ZDHHC2: variants seen among roughly 807,000 people sequenced by gnomAD.
ZDHHC2 encodes the protein zDHHC palmitoyltransferase 2.
Under a neutral mutation model 55.6 loss-of-function variants are expected in ZDHHC2, and 51 were observed. The ratio of observed to expected loss-of-function variants is 0.92; its 90% CI spans 0.73 to 1.16. The LOEUF (loss-of-function observed/expected upper bound fraction) is 1.16. Ranked by LOEUF, ZDHHC2 falls within the 50% of genes most tolerant of loss-of-function variation. The pLI is 0.00. For missense variants in ZDHHC2, 491 were observed against 442.4 expected, an observed-to-expected ratio of 1.11 and a Z score of -0.99; for synonymous variants, 199 against 152.9, an observed-to-expected ratio of 1.30 and a Z score of -2.22.
At chr8:17,207,726 A>G (rs1459942498) in intron 7 of ZDHHC2, among the ~76,000 whole-genome samples, 1 of 151,838 alleles carries the variant, frequency 6.6e-6, no homozygotes. Flanking sequence ...TGAAAAACAC[A>G]GTTTATATTC....
chr8:17,156,957 G>A (rs1804088745), intron 1 of ZDHHC2, 104 bp downstream of exon 1: 1 of 1,160,584 alleles, frequency 8.6e-7, no homozygotes, highest in Non-Finnish European at 1.1e-6. Context: ...GATGCGCCCC[G>A]GGCGCTGCCA....
chr8:17,186,495 G>T (rs1225996280), intron 3 of ZDHHC2, 70 bp downstream of exon 3: 11 of 923,038 alleles, frequency 1.2e-5, no homozygotes, highest in African/African-American at 7.1e-5. Context: ...ATTGAAGAAC[G>T]AATTTTATTT....
At position 17,156,862 on chromosome 8, in the gene ZDHHC2, G is replaced by A; in HGVS notation, c.130+9G>A. On this transcript the variant is annotated intron_variant, in intron 1 of 12. Coordinates refer to ENST00000262096, the MANE Select transcript of ZDHHC2 (RefSeq NM_016353.5). ...CATCCAGCTGTGCATAGGTGAGTGCGCCCCCCGCCGCGGCGCCCCCAGCGC... is the reference window on the plus strand; with the variant it reads ...CATCCAGCTGTGCATAGGTGAGTGCACCCCCCGCCGCGGCGCCCCCAGCGC... 3.4e-6 allele frequency: 5 copies of A among 1,488,734 alleles called. No individual in the cohort carries two copies. Among genetic ancestry groups the A allele is most frequent in the Admixed American group, 2.3e-5 (1 of 44,068 alleles). The allele number at this position is 1,488,734 out of a possible 1,614,324, so 92.2% of individuals were successfully genotyped here.
At chr8:17,184,165 G>C (rs1178141066) in intron 1 of ZDHHC2, among the ~76,000 whole-genome samples, 4 of 149,688 alleles carry the variant, frequency 2.7e-5, no homozygotes, top group Non-Finnish European at 5.9e-5. Context: ...TCTTGCCGCA[G>C]CTTGCTTTAG....
At position 17,197,661 on chromosome 8, in the gene ZDHHC2, C is replaced by T. The variant is rs1346602668; in HGVS notation, c.443+10C>T. ...GCTCCGTCTGTGATAAGTAAGAGAA[C>T]CTTTAACTTCTAAAATATCTACATG... On this transcript the variant is annotated intron_variant, in intron 5 of 12. Transcript: ENST00000262096. The T allele has an allele frequency of 5.0e-6, 8 of 1,608,890 alleles. No homozygotes were observed. The highest frequency in any genetic ancestry group is 1.7e-4 in the Middle Eastern group (1 of 6,054).
chr8:17,209,569 A>T (rs1318365542), intron 8 of ZDHHC2, among the ~76,000 whole-genome samples: 1 of 152,178 alleles, frequency 6.6e-6, no homozygotes, highest in Non-Finnish European at 1.5e-5. Flanking sequence ...TTCTTAAAAA[A>T]TACACGTGTA....
chr8:17,209,309 T>G (rs1012170284), intron 8 of ZDHHC2, among the ~76,000 whole-genome samples: 4 of 152,054 alleles, frequency 2.6e-5, no homozygotes, highest in African/African-American at 9.7e-5. Context: ...AAAATTTTAT[T>G]AGATGAGAAC....
chr8:17,198,602 C>G (rs1329591642), intron 6 of ZDHHC2, among the ~76,000 whole-genome samples, 189 bp downstream of exon 6: 1 of 152,138 alleles, frequency 6.6e-6, no homozygotes, highest in African/African-American at 2.4e-5. Context: ...CCATGAAATA[C>G]TTTTAAAACC....
chr8:17,220,277 G>A lies in ZDHHC2; in HGVS notation c.*56G>A, dbSNP rs1315052060. The A allele has an allele frequency of 3.3e-5, 5 of 152,188 alleles. No homozygotes were observed. Among genetic ancestry groups the A allele is most frequent in the Non-Finnish European group, 7.3e-5 (5 of 68,036 alleles). 9.4% of individuals were successfully genotyped at this position (152,188 alleles called of 1,614,324 possible). On this transcript the variant is annotated 3_prime_UTR_variant, in exon 13 of 13. Transcript: ENST00000262096. Reference sequence around the variant, plus strand: ...CAAGGTATCAATGCTGTAGATGGATGGAAGAGGCTTCCCACAGGAAGGTGC... The same window carrying A: ...CAAGGTATCAATGCTGTAGATGGATAGAAGAGGCTTCCCACAGGAAGGTGC...
intron 8 of ZDHHC2, 40 bp downstream of exon 8, chr8:17,208,132 C>T (rs545852936): frequency 1.2e-5 from 18 of 1,492,322 alleles, no homozygotes; most frequent in South Asian, 6.8e-5. Context: ...ACTTTAAATA[C>T]GTATACCAAC....
rs762531838 is a variant in ZDHHC2 at position 17,186,338 on chromosome 8, C to G, written c.165C>G (p.Cys55Trp). Residue 55 changes from cysteine to tryptophan, a missense_variant, in exon 3 of 13, where the codon TGC becomes TGG. Transcript: ENST00000262096. ...SMENTGEQVV[C>W]LMAYHLLFAM... ...ATGTTTTTCTCATTTTAGTTGTGTG[C>G]CTGATGGCCTATCATCTACTTTTTG... is the stretch of plus-strand genomic sequence containing the variant. 1.3e-6 allele frequency: 2 copies of G among 1,591,336 alleles called. No individual in the cohort carries two copies. Among genetic ancestry groups the G allele is most frequent in the East Asian group, 4.6e-5 (2 of 43,704 alleles).
intron 3 of ZDHHC2, among the ~76,000 whole-genome samples, chr8:17,189,887 C>T (rs1172924947): frequency 1.3e-5 from 2 of 152,072 alleles, no homozygotes; most frequent in Non-Finnish European, 2.9e-5. Context: ...CAGATGGAGC[C>T]ACTGGCTTTG....
At chr8:17,197,554 A>G (rs754288958) in intron 4 of ZDHHC2, 28 bp from the exon 5 acceptor site, 1 of 1,603,050 alleles carries the variant, frequency 6.2e-7, no homozygotes, top group Non-Finnish European at 8.5e-7. Context: ...TGTTAACTCT[A>G]AGACTAAGTG....
chr8:17,210,605 TTGAAA>T (rs1430918481), intron 10 of ZDHHC2, 125 bp downstream of exon 10: 2 of 731,432 alleles, frequency 2.7e-6, no homozygotes, highest in Non-Finnish European at 4.3e-6. Context: ...TGGTTTCCAC[TTGAAA>T]TGAGGGAAAA....
Position 17,219,757 on chromosome 8 carries a change from G to T in ZDHHC2, c.*35-499G>T, listed in dbSNP as rs149116429. On this transcript the variant is annotated intron_variant, in intron 12 of 12. Transcript: ENST00000262096. ...ATCGCATCACTGCACTCCAGCCTGG[G>T]TGACAGAGTGAGGCCCTGTCTCAAA... Among the ~76,000 whole-genome samples, 17 of 152,282 alleles carry T rather than the reference G, an allele frequency of 1.1e-4. No individual in the cohort carries two copies. The East Asian group carries it at 2.7e-3, about 24-fold the overall frequency.
rs554731026 is a variant in ZDHHC2, at chr8:17,223,657, G to T, written c.*3436G>T. ...AAATTCCTAGATTCTACTTTTTATT[G>T]CAAGTGTTAGCAATATGATCTTGTA... On this transcript the variant is annotated 3_prime_UTR_variant, in exon 13 of 13. Transcript: ENST00000262096. 1 of 151,660 alleles carries T rather than the reference G, an allele frequency of 6.6e-6. No individual in the cohort carries two copies. Among genetic ancestry groups the T allele is most frequent in the Admixed American group, 6.6e-5 (1 of 15,208 alleles). 9.4% of individuals were successfully genotyped at this position (151,660 alleles called of 1,614,324 possible). A position where few individuals can be genotyped will look rare whatever the true frequency, so the allele number is the denominator to read the frequency against.
In ZDHHC2 at chr8:17,220,386, A is replaced by G. The variant is rs1411572565; in HGVS notation, c.*165A>G. ...TTCTCTCCAAGCCATTGCTTAAAAT[A>G]TAACATGTTTTGGATCCAATACACA... On this transcript the variant is annotated 3_prime_UTR_variant, in exon 13 of 13. Transcript: ENST00000262096. The G allele has an allele frequency of 6.7e-6, 1 of 150,138 alleles. No individual in the cohort carries two copies. The highest frequency in any genetic ancestry group is 1.9e-4 in the East Asian group (1 of 5,198). 9.3% of individuals were successfully genotyped at this position (150,138 alleles called of 1,614,324 possible).
chr8:17,217,633 A>G (rs570945434), intron 12 of ZDHHC2, among the ~76,000 whole-genome samples: 2 of 152,302 alleles, frequency 1.3e-5, no homozygotes, highest in South Asian at 4.1e-4. Context: ...ATCCTTGACC[A>G]TCCATTAGGA....
At chr8:17,196,262 G>A (rs2150923133) in intron 4 of ZDHHC2, among the ~76,000 whole-genome samples, 1 of 152,168 alleles carries the variant, frequency 6.6e-6, no homozygotes, top group Non-Finnish European at 1.5e-5. Flanking sequence ...TCAGACCTGT[G>A]CTGTCCATTA....
Sources: allele counts gnomAD v4.1 joint callset (sites outside exome capture counted in the v4.1 genomes callset), GRCh38; gene constraint gnomAD v4.1.1; transcripts MANE v1.5; gene names NCBI Gene and HGNC (gene_info 2026-07-23, HGNC 2026-07-21).